SNPH: variants seen among roughly 807,000 people sequenced by gnomAD.
SNPH encodes syntaphilin.
Under a neutral mutation model 36.8 loss-of-function variants are expected in SNPH, and 10 were observed. That is an observed-to-expected ratio of 0.27 (90% CI 0.17 to 0.46). The LOEUF is 0.46. SNPH is among the 20% of genes least tolerant of loss of function. The probability of loss-of-function intolerance (pLI) is 1.00; values close to 1 mark genes in which losing one functional copy is unlikely to be tolerated. For missense variants in SNPH, 622 were observed against 744.0 expected (o/e 0.84, Z 1.91); for synonymous variants, 281 against 312.2 (o/e 0.90, Z 1.05).
rs1244867146 is a variant in SNPH at position 1,305,025 on chromosome 20, C to T, written c.588C>T (p.Val196=). 1.2e-6 allele frequency: 2 copies of T among 1,614,080 alleles called. No individual in the cohort carries two copies. Among genetic ancestry groups the T allele is most frequent in the Admixed American group, 3.3e-5 (2 of 60,028 alleles). The change falls in exon 7 of 7, where the codon GTC becomes GTT. Residue 196 remains valine (V), a synonymous_variant. Transcript: ENST00000381867. Reference sequence around the variant, plus strand: ...AGCTCAAGCAGGTCATCGACACTGTCAAGAACAACCTGATTGACAAGGACA... The same window carrying T: ...AGCTCAAGCAGGTCATCGACACTGTTAAGAACAACCTGATTGACAAGGACA... ...IKQLKQVIDT[V]KNNLIDKDKG... is the part of the protein sequence containing the mutation.
At position 1,272,187 on chromosome 20, in the gene SNPH, C is replaced by T. The variant is rs567471815; in HGVS notation, c.-493+5427C>T. On this transcript the variant is annotated intron_variant, in intron 2 of 6. Transcript: ENST00000381867. ...CATTTTTGCCACAGACTCGTGTTCT[C>T]GTGTTTGGCTCTGCAATTGGGCTGC... Among the ~76,000 whole-genome samples the T allele has an allele frequency of 3.0e-4, 45 of 152,262 alleles. 1 individual carries two copies. Among genetic ancestry groups the T allele is most frequent in the Admixed American group, 1.0e-3 (16 of 15,302 alleles).
In SNPH at chr20:1,296,001, G is replaced by A. The variant is rs966141730; in HGVS notation, c.-239G>A. The A allele has an allele frequency of 1.7e-5, 8 of 469,458 alleles. No individual in the cohort carries two copies. Among genetic ancestry groups the A allele is most frequent in the African/African-American group, 1.6e-4 (8 of 48,852 alleles). 29.1% of individuals were successfully genotyped at this position (469,458 alleles called of 1,614,324 possible). ...AAGACTCGGTGCCGGCAGTCAGGAG[G>A]CCCTGCTCCTGAAGCCTCTGTGACC... On this transcript the variant is annotated 5_prime_UTR_variant, in exon 4 of 7. Transcript: ENST00000381867.
chr20:1,301,607 G>T (rs941144551), intron 6 of SNPH, among the ~76,000 whole-genome samples: 2 of 151,872 alleles, frequency 1.3e-5, no homozygotes, highest in African/African-American at 4.8e-5. Context: ...TTTAGTCACA[G>T]AATTTTGCAA....
At chr20:1,287,099 C>T (rs1366580036) in intron 2 of SNPH, among the ~76,000 whole-genome samples, 1 of 152,192 alleles carries the variant, frequency 6.6e-6, no homozygotes, top group Non-Finnish European at 1.5e-5. Flanking sequence ...TTAGGGAGAT[C>T]TTTATTTCTC....
chr20:1,306,814 G>C lies in SNPH; in HGVS notation c.*760G>C, dbSNP rs928927757. 5.9e-4 allele frequency: 90 copies of C among 152,522 alleles called. No homozygotes were observed. The highest frequency in any genetic ancestry group is 2.1e-3 in the African/African-American group (87 of 41,592). 9.4% of individuals were successfully genotyped at this position (152,522 alleles called of 1,614,324 possible). On this transcript the variant is annotated 3_prime_UTR_variant, in exon 7 of 7. Transcript: ENST00000381867. Reference sequence around the variant, plus strand: ...GTCATTATTCCTGTGAGGTAGCTAAGCCCGGCAAGCTCAGTGCTGGGGTAG... The same window carrying C: ...GTCATTATTCCTGTGAGGTAGCTAACCCCGGCAAGCTCAGTGCTGGGGTAG...
intron 5 of SNPH, 48 bp from the exon 6 acceptor site, chr20:1,300,514 C>G (rs1260153701): frequency 6.2e-7 from 1 of 1,609,792 alleles, no homozygotes; most frequent in Admixed American, 1.7e-5. Flanking sequence ...GCACCTGTGC[C>G]TTGCCTGACC....
At position 1,271,490 on chromosome 20, in the gene SNPH, C is replaced by T. The variant is rs578158229; in HGVS notation, c.-493+4730C>T. On this transcript the variant is annotated intron_variant, in intron 2 of 6. Transcript: ENST00000381867. ...CTGAGTAGCTGGGACTATAGGCATG[C>T]GCCACCATGCCCAGAAAATTTTTGT... Among the ~76,000 whole-genome samples the T allele has an allele frequency of 2.0e-3, 300 of 152,170 alleles. 2 individuals carry two copies. Among genetic ancestry groups the T allele is most frequent in the African/African-American group, 5.8e-3 (240 of 41,516 alleles).
chr20:1,288,281 C>G (rs539185919), intron 2 of SNPH, among the ~76,000 whole-genome samples: 1 of 152,228 alleles, frequency 6.6e-6, no homozygotes, highest in Non-Finnish European at 1.5e-5. Context: ...AGAACTACCC[C>G]CATCCCTCCA....
At chr20:1,300,410 TG>T (rs142983142) in intron 5 of SNPH, 151 bp from the exon 6 acceptor site, 37,763 of 742,936 alleles carry the variant, frequency 0.051, 1,242 homozygotes, top group Middle Eastern at 0.091. Context: ...TCCAGAAGGC[TG>T]GGGGTTCTCC....
chr20:1,283,210 A>C (rs1203395372), intron 2 of SNPH, among the ~76,000 whole-genome samples: 1 of 152,142 alleles, frequency 6.6e-6, no homozygotes, highest in Non-Finnish European at 1.5e-5. Context: ...AACCAACCAA[A>C]AGAACATTGC....
At chr20:1,270,208 C>T (rs916398472) in intron 2 of SNPH, among the ~76,000 whole-genome samples, 1 of 152,198 alleles carries the variant, frequency 6.6e-6, no homozygotes, top group African/African-American at 2.4e-5. Context: ...TATTTATTAG[C>T]TAGGCCCTGG....
Position 1,296,042 on chromosome 20 carries a change from ACT to A in SNPH, c.-195_-194del. The A allele has an allele frequency of 2.0e-6, 1 of 505,048 alleles. No homozygotes were observed. Among genetic ancestry groups the A allele is most frequent in the African/African-American group, 2.0e-5 (1 of 49,308 alleles). 31.3% of individuals were successfully genotyped at this position (505,048 alleles called of 1,614,324 possible). A position where few individuals can be genotyped will look rare whatever the true frequency, so the allele number is the denominator to read the frequency against. On this transcript the variant is annotated 5_prime_UTR_variant, in exon 4 of 7. Coordinates refer to ENST00000381867, the MANE Select transcript of SNPH (RefSeq NM_001318234.2). ...CTCTGTGACCTTGGGCACGGCCTTC[ACT>A]CTGTCTGGGGCACATTCACTCATCT... is the stretch of plus-strand genomic sequence containing the variant.
At chr20:1,279,111 G>A (rs1344695884) in intron 2 of SNPH, among the ~76,000 whole-genome samples, 1 of 152,144 alleles carries the variant, frequency 6.6e-6, no homozygotes, top group African/African-American at 2.4e-5. Context: ...GTATCATTTG[G>A]TAAATATATA....
At chr20:1,274,245 G>T (rs2088105705) in intron 2 of SNPH, among the ~76,000 whole-genome samples, 2 of 152,106 alleles carry the variant, frequency 1.3e-5, no homozygotes, top group African/African-American at 4.8e-5. Flanking sequence ...CAAAGTGCAG[G>T]CATGGGAGAG....
chr20:1,295,578 C>T (rs1305981556), intron 3 of SNPH, among the ~76,000 whole-genome samples, 198 bp from the exon 4 acceptor site: 5 of 152,228 alleles, frequency 3.3e-5, no homozygotes, highest in Admixed American at 3.3e-4. Context: ...TGGGTGCGGA[C>T]ATGCCTGTGT....
chr20:1,268,442 C>T (rs1423791339), intron 2 of SNPH, among the ~76,000 whole-genome samples: 1 of 152,170 alleles, frequency 6.6e-6, no homozygotes, highest in East Asian at 1.9e-4. Context: ...ATTTTCGATT[C>T]TTTATCTTCC....
chr20:1,280,674 A>G (rs1351762547), intron 2 of SNPH, among the ~76,000 whole-genome samples: 1 of 152,180 alleles, frequency 6.6e-6, no homozygotes, highest in Non-Finnish European at 1.5e-5. Context: ...CGTGGTCTCC[A>G]TACTGTACCA....
At chr20:1,301,259 G>C (rs1214081803) in intron 6 of SNPH, among the ~76,000 whole-genome samples, 1 of 152,060 alleles carries the variant, frequency 6.6e-6, no homozygotes, top group Admixed American at 6.5e-5. Context: ...TGTCTCCCAG[G>C]AGCCCCCGCA....
At chr20:1,281,106 T>A (rs1395355854) in intron 2 of SNPH, among the ~76,000 whole-genome samples, 1 of 152,196 alleles carries the variant, frequency 6.6e-6, no homozygotes, top group Non-Finnish European at 1.5e-5. Context: ...GCAGCGAAGC[T>A]AACCCACACA....
Sources: gnomAD v4.1 joint callset for allele counts (sites outside exome capture counted in the v4.1 genomes callset) on GRCh38, gnomAD v4.1.1 for gene constraint, MANE v1.5 for transcripts, NCBI Gene and HGNC (gene_info 2026-07-23, HGNC 2026-07-21) for gene names.